Variants in CDH17 observed in about 807,000 individuals in gnomAD.
CDH17 encodes the protein cadherin-17.
CDH17 carries 67 observed loss-of-function variants against 86.3 expected under a neutral mutation model. The ratio of observed to expected loss-of-function variants is 0.78; its 90% CI spans 0.64 to 0.95. The LOEUF (loss-of-function observed/expected upper bound fraction) is 0.95, where lower values mean the gene tolerates loss of function less well. Ranked by LOEUF, CDH17 falls within the 40% of genes least tolerant of loss-of-function variation. The pLI is 0.00. For synonymous variants in CDH17, 367 were observed against 366.4 expected, an observed-to-expected ratio of 1.00 and a Z score of -0.02; for missense variants, 993 against 1,017.6, an observed-to-expected ratio of 0.98 and a Z score of 0.33.
chr8:94,207,848 G>A (rs927399155), intron 1 of CDH17, among the ~76,000 whole-genome samples: 1 of 152,110 alleles, frequency 6.6e-6, no homozygotes, highest in African/African-American at 2.4e-5. Context: ...TTAGCAGGTG[G>A]TAACTCCACC....
At chr8:94,215,064 C>T (rs980200929) in intron 1 of CDH17, among the ~76,000 whole-genome samples, 2 of 152,204 alleles carry the variant, frequency 1.3e-5, no homozygotes, top group Non-Finnish European at 2.9e-5. Flanking sequence ...AACACAACCA[C>T]TTTGGTAAAC....
intron 3 of CDH17, among the ~76,000 whole-genome samples, chr8:94,183,421 C>A (rs1369840377): frequency 6.6e-6 from 1 of 151,974 alleles, no homozygotes; most frequent in Non-Finnish European, 1.5e-5. Flanking sequence ...AGGCCAGAAA[C>A]AATTCAATTG....
chr8:94,148,954 T>C, intron 13 of CDH17, 80 bp from the exon 14 acceptor site: 1 of 1,217,628 alleles, frequency 8.2e-7, no homozygotes, highest in Non-Finnish European at 1.1e-6. Context: ...GTCAACTAAA[T>C]ATGTTTGTGC....
At chr8:94,139,671 G>A (rs1177872518) in intron 15 of CDH17, among the ~76,000 whole-genome samples, 5 of 152,088 alleles carry the variant, frequency 3.3e-5, no homozygotes, top group African/African-American at 9.7e-5. Context: ...GGGAGGCTGG[G>A]GCAGGCAGAT....
At chr8:94,129,756 C>G (rs1812373152) in intron 17 of CDH17, among the ~76,000 whole-genome samples, 2 of 152,078 alleles carry the variant, frequency 1.3e-5, no homozygotes, top group Non-Finnish European at 1.5e-5. Context: ...CTTGATGTCA[C>G]AAGCATAAAA....
At position 94,200,532 on chromosome 8, in the gene CDH17, C is replaced by CTTTTTTTTTT. The variant is rs1387182561; in HGVS notation, c.-20-5828_-20-5827insAAAAAAAAAA. ...TAGATCAGAGGGTTATTATTATTAT[C>CTTTTTTTTTT]TTTTGTTTTTTTTTTTTTTTTTTTT... is the stretch of plus-strand genomic sequence containing the variant. On this transcript the variant is annotated intron_variant, in intron 1 of 17. Transcript: ENST00000027335. Among the ~76,000 whole-genome samples, 26 of 50,242 alleles carry CTTTTTTTTTT rather than the reference C, an allele frequency of 5.2e-4. 6 individuals carry two copies. Among genetic ancestry groups the CTTTTTTTTTT allele is most frequent in the African/African-American group, 1.8e-3 (23 of 12,802 alleles). The allele number at this position is 50,242 out of a possible 152,430, so 33.0% of individuals were successfully genotyped here.
chr8:94,136,470 G>T (rs1164743272), intron 15 of CDH17, among the ~76,000 whole-genome samples: 1 of 152,112 alleles, frequency 6.6e-6, no homozygotes, highest in Non-Finnish European at 1.5e-5. Flanking sequence ...AAGTTCTCCT[G>T]CCATGGTTTT....
chr8:94,152,556 C>A (rs1473846630), intron 12 of CDH17, among the ~76,000 whole-genome samples: 1 of 152,198 alleles, frequency 6.6e-6, no homozygotes, highest in South Asian at 2.1e-4. Context: ...CACCACCACA[C>A]CCAGCTAATT....
intron 5 of CDH17, among the ~76,000 whole-genome samples, chr8:94,176,142 T>C (rs1252321985): frequency 2.0e-5 from 3 of 152,114 alleles, no homozygotes; most frequent in Non-Finnish European, 4.4e-5. Flanking sequence ...CTGGCTGAAG[T>C]GATCCTCCCA....
chr8:94,183,861 C>G (rs928111771), intron 3 of CDH17, among the ~76,000 whole-genome samples: 1 of 151,346 alleles, frequency 6.6e-6, no homozygotes, highest in African/African-American at 2.4e-5. Flanking sequence ...ATTCTTACAA[C>G]AATAAAAAGA....
intron 15 of CDH17, among the ~76,000 whole-genome samples, chr8:94,133,131 G>A (rs569547500): frequency 3.9e-5 from 6 of 152,288 alleles, no homozygotes; most frequent in African/African-American, 1.2e-4. Flanking sequence ...TTTTGCTTAG[G>A]ATTGTCTTGG....
intron 10 of CDH17, among the ~76,000 whole-genome samples, chr8:94,165,209 A>C (rs1279899392): frequency 6.6e-6 from 1 of 152,210 alleles, no homozygotes; most frequent in Non-Finnish European, 1.5e-5. Flanking sequence ...CTATTACCAC[A>C]TTCACACTGA....
intron 17 of CDH17, among the ~76,000 whole-genome samples, chr8:94,129,170 A>T (rs1344544930): frequency 1.3e-5 from 2 of 151,336 alleles, no homozygotes; most frequent in Non-Finnish European, 2.9e-5. Context: ...AAGATTATGG[A>T]ATTAAATTGA....
chr8:94,205,790 C>T (rs1814015325), intron 1 of CDH17, among the ~76,000 whole-genome samples: 1 of 151,854 alleles, frequency 6.6e-6, no homozygotes, highest in Non-Finnish European at 1.5e-5. Flanking sequence ...ACTTGAACAA[C>T]ACAATCATAT....
At chr8:94,172,610 CTTGT>C (rs1459220207) in intron 7 of CDH17, among the ~76,000 whole-genome samples, 1 of 152,096 alleles carries the variant, frequency 6.6e-6, no homozygotes, top group Non-Finnish European at 1.5e-5. Context: ...AGTTAAATGA[CTTGT>C]TTATGATCAG....
chr8:94,137,885 TG>T (rs1313975566), intron 15 of CDH17, among the ~76,000 whole-genome samples: 1 of 152,182 alleles, frequency 6.6e-6, no homozygotes, highest in Non-Finnish European at 1.5e-5. Context: ...GGGGATCGAC[TG>T]TATGTGTCAG....
chr8:94,177,338 AT>A (rs1813393031), intron 4 of CDH17, among the ~76,000 whole-genome samples: 1 of 152,216 alleles, frequency 6.6e-6, no homozygotes, highest in African/African-American at 2.4e-5. Flanking sequence ...TGGATAAGTA[AT>A]GCCATCAGAG....
At chr8:94,145,158 AC>A (rs1323389855) in intron 15 of CDH17, among the ~76,000 whole-genome samples, 1 of 152,226 alleles carries the variant, frequency 6.6e-6, no homozygotes, top group East Asian at 1.9e-4. Context: ...TCAGTATTTA[AC>A]CAAGAAAACT....
intron 1 of CDH17, among the ~76,000 whole-genome samples, chr8:94,203,600 C>T (rs1813964036): frequency 6.6e-6 from 1 of 152,208 alleles, no homozygotes; most frequent in African/African-American, 2.4e-5. Flanking sequence ...GTCTGGCTCA[C>T]AGATCTCTGG....
Sources: allele counts gnomAD v4.1 joint callset (sites outside exome capture counted in the v4.1 genomes callset), GRCh38; gene constraint gnomAD v4.1.1; transcripts MANE v1.5; gene names NCBI Gene and HGNC (gene_info 2026-07-23, HGNC 2026-07-21).